The following ARID2 variants were observed in gnomAD, a reference collection of about 807,000 sequenced individuals.
The protein encoded by ARID2 is AT-rich interaction domain 2.
ARID2 carries 32 observed loss-of-function variants against 184.6 expected under a neutral mutation model. That is an observed-to-expected ratio of 0.17 (90% confidence interval 0.13 to 0.23). The LOEUF (loss-of-function observed/expected upper bound fraction) is 0.23, where lower values mean the gene tolerates loss of function less well. ARID2 is among the 10% of genes least tolerant of loss of function. The pLI is 1.00. For missense variants in ARID2, 1,696 were observed against 2,197.6 expected (o/e 0.77, Z 4.56); for synonymous variants, 836 against 772.6 (o/e 1.08, Z -1.36).
chr12:45,885,098 T>C (rs780972134), intron 16 of ARID2, among the ~76,000 whole-genome samples: 4 of 151,600 alleles, frequency 2.6e-5, no homozygotes, highest in Non-Finnish European at 5.9e-5. Context: ...CTTTTGCAAC[T>C]AGATAAAATA....
chr12:45,775,037 T>A (rs1484491576), intron 3 of ARID2, among the ~76,000 whole-genome samples: 1 of 152,130 alleles, frequency 6.6e-6, no homozygotes, highest in African/African-American at 2.4e-5. Flanking sequence ...ATGCTCAGGA[T>A]GGTCCCCCCA....
intron 3 of ARID2, among the ~76,000 whole-genome samples, chr12:45,782,529 G>C (rs902209159): frequency 2.0e-5 from 3 of 152,164 alleles, no homozygotes; most frequent in East Asian, 1.9e-4. Flanking sequence ...CTACTCAGGA[G>C]ACTGGGGCAG....
intron 20 of ARID2, among the ~76,000 whole-genome samples, chr12:45,899,741 T>TTATATATATATGGTTA (rs1944430837): frequency 9.5e-6 from 1 of 105,106 alleles, no homozygotes; most frequent in Non-Finnish European, 2.1e-5. Context: ...ATATATGGTT[T>TTATATATATATGGTTA]TATATATATA....
At chr12:45,835,906 A>AAAAAAC (rs1943212481) in intron 6 of ARID2, among the ~76,000 whole-genome samples, 1 of 151,890 alleles carries the variant, frequency 6.6e-6, no homozygotes, top group Non-Finnish European at 1.5e-5. Context: ...ATCTCAAAAA[A>AAAAAAC]AAAAACAAAA....
At chr12:45,807,609 T>A (rs1275708044) in intron 3 of ARID2, among the ~76,000 whole-genome samples, 1 of 152,102 alleles carries the variant, frequency 6.6e-6, no homozygotes, top group Non-Finnish European at 1.5e-5. Context: ...TAAGAAAAAA[T>A]TAGTTCTAAT....
At chr12:45,771,335 C>G (rs1189059599) in intron 3 of ARID2, among the ~76,000 whole-genome samples, 1 of 130,132 alleles carries the variant, frequency 7.7e-6, no homozygotes, top group East Asian at 2.2e-4. Flanking sequence ...TCCACCTGGG[C>G]AACAGATTGA....
rs1943487612 is a variant in ARID2 at position 45,848,783 on chromosome 12, T to A, written c.1581-53T>A. On this transcript the variant is annotated intron_variant, in intron 12 of 20. Transcript: ENST00000334344. ...TCCACATGGCTTTAGTATATTTAAA[T>A]ATGGAGTTTCCTAGAGTATATTGTA... 3 of 1,463,150 alleles carry A rather than the reference T, an allele frequency of 2.1e-6. No homozygotes were observed. The East Asian group carries it at 7.1e-5, about 35-fold the overall frequency. The allele number at this position is 1,463,150 out of a possible 1,614,324, so 90.6% of individuals were successfully genotyped here.
chr12:45,767,791 CTG>C (rs1282089457), intron 3 of ARID2, among the ~76,000 whole-genome samples: 1 of 152,212 alleles, frequency 6.6e-6, no homozygotes, highest in Admixed American at 6.5e-5. Context: ...CTACTTCACA[CTG>C]TTGCTGGTAG....
rs2138159450 is a variant in ARID2 at position 45,850,156 on chromosome 12, C to T, written c.2033C>T (p.Ala678Val). Residue 678 changes from alanine to valine, a missense_variant, in exon 15 of 21, where the codon GCA becomes GTA. This residue lies in a region of ARID2 where 713 missense variants were observed against 824.4 expected (regional missense o/e 0.86). Transcript: ENST00000334344. ...CCTGTACAAGGTGTTCATACTGTGGCACAAACTGTTTCAAGAATTCCACAA... is the reference window on the plus strand; with the variant it reads ...CCTGTACAAGGTGTTCATACTGTGGTACAAACTGTTTCAAGAATTCCACAA... ...SFPVQGVHTV[A>V]QTVSRIPQNP... is the part of the protein sequence containing the mutation. 1 of 1,614,108 alleles carries T rather than the reference C, an allele frequency of 6.2e-7. No individual in the cohort carries two copies. The highest frequency in any genetic ancestry group is 8.5e-7 in the Non-Finnish European group (1 of 1,179,996).
chr12:45,792,498 G>A (rs556541640), intron 3 of ARID2, among the ~76,000 whole-genome samples: 34 of 152,214 alleles, frequency 2.2e-4, no homozygotes, highest in African/African-American at 7.7e-4. Context: ...GCATTGTAAC[G>A]CAGAGTTCAG....
chr12:45,864,900 CA>C (rs1302122512), intron 16 of ARID2, among the ~76,000 whole-genome samples: 12 of 152,100 alleles, frequency 7.9e-5, no homozygotes, highest in Admixed American at 7.2e-4. Context: ...TACCAGTTTT[CA>C]AAATAATGAG....
intron 3 of ARID2, among the ~76,000 whole-genome samples, chr12:45,752,969 G>C (rs986293779): frequency 6.6e-6 from 1 of 152,186 alleles, no homozygotes; most frequent in Non-Finnish European, 1.5e-5. Context: ...TTCATTAAAA[G>C]TTTTTTTCCA....
intron 16 of ARID2, among the ~76,000 whole-genome samples, chr12:45,885,300 C>G (rs1354712317): frequency 2.6e-5 from 4 of 151,918 alleles, no homozygotes; most frequent in Non-Finnish European, 5.9e-5. Context: ...AATAATAGAG[C>G]CTTTTTTAAA....
At chr12:45,814,667 C>G (rs1361521849) in intron 4 of ARID2, among the ~76,000 whole-genome samples, 1 of 152,052 alleles carries the variant, frequency 6.6e-6, no homozygotes. Flanking sequence ...AATAAACTTC[C>G]CTCCTCATTC....
intron 3 of ARID2, among the ~76,000 whole-genome samples, chr12:45,746,871 A>G (rs1359730095): frequency 2.0e-5 from 3 of 152,118 alleles, no homozygotes; most frequent in Admixed American, 2.0e-4. Context: ...GGTTCACGCC[A>G]TTCTCCTGCC....
intron 1 of ARID2, 36 bp from the exon 2 acceptor site, chr12:45,730,008 C>T (rs1017311777): frequency 8.1e-6 from 13 of 1,609,876 alleles, no homozygotes; most frequent in Non-Finnish European, 1.1e-5. Context: ...GCACGGGGTC[C>T]CGGCTGACAA....
At chr12:45,812,941 G>C (rs1942737572) in intron 4 of ARID2, among the ~76,000 whole-genome samples, 1 of 152,106 alleles carries the variant, frequency 6.6e-6, no homozygotes, top group Non-Finnish European at 1.5e-5. Flanking sequence ...GTTTAAAATA[G>C]ATTTTTTTCC....
intron 3 of ARID2, among the ~76,000 whole-genome samples, chr12:45,756,924 G>C (rs528239472): frequency 4.6e-5 from 7 of 152,238 alleles, no homozygotes; most frequent in African/African-American, 1.4e-4. Context: ...AAGAGCAGAG[G>C]CGGTTGTAAT....
At chr12:45,730,735 C>G (rs1280180628) in intron 2 of ARID2, among the ~76,000 whole-genome samples, 1 of 152,036 alleles carries the variant, frequency 6.6e-6, no homozygotes, top group Non-Finnish European at 1.5e-5. Flanking sequence ...GGCTTCAAGG[C>G]TAGGCAGAAG....
Sources: gnomAD v4.1 joint callset for allele counts (sites outside exome capture counted in the v4.1 genomes callset) on GRCh38, gnomAD v4.1.1 for gene constraint, gnomAD v4.1.1 regional missense constraint, MANE v1.5 for transcripts, NCBI Gene and HGNC (gene_info 2026-07-23, HGNC 2026-07-21) for gene names.